DMTF1: variants seen among roughly 807,000 people sequenced by gnomAD.
The protein encoded by DMTF1 is cyclin-D-binding Myb-like transcription factor 1.
DMTF1 carries 39 observed loss-of-function variants against 91.1 expected under a neutral mutation model. The observed-to-expected ratio is 0.43, with a 90% CI of 0.33 to 0.56. DMTF1 has a LOEUF of 0.56. Ranked by LOEUF, DMTF1 falls within the 20% of genes least tolerant of loss-of-function variation. The pLI is 0.05. For missense variants in DMTF1, 750 were observed against 914.5 expected, an observed-to-expected ratio of 0.82 and a Z score of 2.32; for synonymous variants, 338 against 309.5, an observed-to-expected ratio of 1.09 and a Z score of -0.97.
intron 5 of DMTF1, among the ~76,000 whole-genome samples, chr7:87,172,294 G>A (rs1244479211): frequency 1.3e-5 from 2 of 152,126 alleles, no homozygotes; most frequent in African/African-American, 2.4e-5. Flanking sequence ...CAAAAAGTAT[G>A]ACATGTAAAT....
In DMTF1 at chr7:87,170,823, A is replaced by T. The variant is rs114613939; in HGVS notation, c.233-172A>T. Among the ~76,000 whole-genome samples the T allele has an allele frequency of 3.2e-3, 491 of 152,332 alleles. 2 individuals carry two copies. Among genetic ancestry groups the T allele is most frequent in the African/African-American group, 0.011 (468 of 41,586 alleles). On this transcript the variant is annotated intron_variant, in intron 4 of 17. Transcript: ENST00000331242. ...AGCACCCACAGCAATATCTACTATG[A>T]ATTAGGTGCACATTAAGTATTATTA...
At chr7:87,194,476 A>AGGAACATC in intron 16 of DMTF1, 3 of 478,252 alleles carry the variant, frequency 6.3e-6, no homozygotes, top group Non-Finnish European at 7.5e-6. Flanking sequence ...GCTGACCTAT[A>AGGAACATC]ACTGACCTAG....
intron 1 of DMTF1, among the ~76,000 whole-genome samples, chr7:87,153,351 T>C (rs990306485): frequency 1.3e-5 from 2 of 152,176 alleles, no homozygotes; most frequent in Admixed American, 1.3e-4. Flanking sequence ...TTCTTAAAAT[T>C]GTTAAGTCCA....
chr7:87,166,379 T>A, intron 3 of DMTF1, 104 bp from the exon 4 acceptor site: 1 of 1,212,136 alleles, frequency 8.2e-7, no homozygotes, highest in Non-Finnish European at 1.1e-6. Context: ...AGCAAATTGG[T>A]AAGAAAATTT....
chr7:87,156,124 A>G (rs1366017164), intron 1 of DMTF1, among the ~76,000 whole-genome samples: 1 of 152,202 alleles, frequency 6.6e-6, no homozygotes, highest in African/African-American at 2.4e-5. Flanking sequence ...AAAAGTACTC[A>G]GTTTTGAAAG....
chr7:87,193,517 A>G (rs1800398270), intron 15 of DMTF1, 164 bp downstream of exon 15: 2 of 830,256 alleles, frequency 2.4e-6, no homozygotes, highest in Non-Finnish European at 3.7e-6. Context: ...TGTATGTTTC[A>G]TCCCTTCTCT....
intron 1 of DMTF1, among the ~76,000 whole-genome samples, chr7:87,157,571 CAATT>C (rs571173214): frequency 1.3e-5 from 2 of 152,118 alleles, no homozygotes; most frequent in Middle Eastern, 3.4e-3. Flanking sequence ...TAGGTAGACT[CAATT>C]GATGGAAATA....
intron 10 of DMTF1, 133 bp from the exon 11 acceptor site, chr7:87,184,264 T>G (rs1797962522): frequency 7.7e-6 from 6 of 775,032 alleles, no homozygotes; most frequent in Non-Finnish European, 1.2e-5. Flanking sequence ...TATATGGTTT[T>G]CCACCAGAGG....
intron 10 of DMTF1, 47 bp from the exon 11 acceptor site, chr7:87,184,350 T>C (rs1797980571): frequency 6.4e-7 from 1 of 1,552,836 alleles, no homozygotes; most frequent in Admixed American, 1.7e-5. Context: ...GAATCAGATT[T>C]GTAAAAGAAG....
chr7:87,195,250 G>A lies in DMTF1; in HGVS notation c.*110G>A. 1 of 713,208 alleles carries A rather than the reference G, an allele frequency of 1.4e-6. No individual in the cohort carries two copies. The highest frequency in any genetic ancestry group is 2.4e-6 in the Non-Finnish European group (1 of 421,768). The allele number at this position is 713,208 out of a possible 1,614,324, so 44.2% of individuals were successfully genotyped here. A position where few individuals can be genotyped will look rare whatever the true frequency, so the allele number is the denominator to read the frequency against. ...GAGGCTTAATTTACCAATTTAAATA[G>A]CCACAGTCCTTAAGCCACACACATT... is the stretch of plus-strand genomic sequence containing the variant. On this transcript the variant is annotated 3_prime_UTR_variant, in exon 18 of 18. Transcript: ENST00000331242.
chr7:87,173,725 T>C (rs1795628784), intron 6 of DMTF1, 76 bp downstream of exon 6: 1 of 804,940 alleles, frequency 1.2e-6, no homozygotes, highest in East Asian at 2.9e-5. Flanking sequence ...ATCAGGATTC[T>C]GAGTTGGACC....
intron 15 of DMTF1, 60 bp from the exon 16 acceptor site, chr7:87,193,665 A>C (rs910138039): frequency 1.4e-6 from 2 of 1,412,764 alleles, no homozygotes; most frequent in African/African-American, 2.9e-5. Context: ...GGAGACAGTG[A>C]GGTACCCCCA....
At position 87,185,890 on chromosome 7, in the gene DMTF1, T is replaced by A. The variant is rs781164727; in HGVS notation, c.1111T>A (p.Trp371Arg). The change falls in exon 12 of 18, where the codon TGG becomes AGG. Residue 371 changes from tryptophan (W) to arginine (R), a missense_variant. By Grantham distance (101) the Trp-to-Arg change is moderately radical (BLOSUM62 -3). Coordinates refer to ENST00000331242, the MANE Select transcript of DMTF1 (RefSeq NM_001142327.2). ...DINWDLLAEG[W>R]SSVRSPQWLR... is the part of the protein sequence containing the mutation. ...TAACTGGGATCTGTTAGCTGAGGGA[T>A]GGAGTAGTGTCCGTTCACCACAATG... 1.2e-6 allele frequency: 2 copies of A among 1,613,954 alleles called. No homozygotes were observed. The highest frequency in any genetic ancestry group is 1.7e-6 in the Non-Finnish European group (2 of 1,179,876).
intron 11 of DMTF1, among the ~76,000 whole-genome samples, chr7:87,185,581 A>G (rs1417046549): frequency 6.6e-6 from 1 of 152,202 alleles, no homozygotes; most frequent in East Asian, 1.9e-4. Context: ...ATCTGGCTCT[A>G]ACCATTTATA....
At chr7:87,176,496 T>C (rs1796293781) in intron 7 of DMTF1, among the ~76,000 whole-genome samples, 1 of 151,690 alleles carries the variant, frequency 6.6e-6, no homozygotes, top group African/African-American at 2.4e-5. Flanking sequence ...TGGGCAGGAG[T>C]GTGAGTAGGA....
intron 3 of DMTF1, among the ~76,000 whole-genome samples, chr7:87,166,051 G>C (rs1793748385): frequency 6.6e-6 from 1 of 152,118 alleles, no homozygotes; most frequent in South Asian, 2.1e-4. Flanking sequence ...ATATAGTACA[G>C]GTTCTTTAAT....
chr7:87,185,781 A>G (rs1176490265), intron 11 of DMTF1, 48 bp from the exon 12 acceptor site: 7 of 1,604,416 alleles, frequency 4.4e-6, no homozygotes, highest in Admixed American at 1.7e-5. Flanking sequence ...AGGGGTTCTT[A>G]TAGAGAAATT....
chr7:87,177,302 GT>G (rs1796464851), intron 7 of DMTF1, among the ~76,000 whole-genome samples: 1 of 151,910 alleles, frequency 6.6e-6, no homozygotes, highest in African/African-American at 2.4e-5. Context: ...GTTCTTTTTA[GT>G]TTTTTATTAT....
intron 11 of DMTF1, among the ~76,000 whole-genome samples, chr7:87,185,605 G>T (rs1469638402): frequency 6.6e-6 from 1 of 152,106 alleles, no homozygotes; most frequent in East Asian, 1.9e-4. Flanking sequence ...TAGCCCATTG[G>T]TTGTACCTTT....
Sources: gnomAD v4.1 joint callset for allele counts (sites outside exome capture counted in the v4.1 genomes callset) on GRCh38, gnomAD v4.1.1 for gene constraint, MANE v1.5 for transcripts, NCBI Gene and HGNC (gene_info 2026-07-23, HGNC 2026-07-21) for gene names.